ATR: variants seen among roughly 807,000 people sequenced by gnomAD.
ATR encodes ATR checkpoint kinase, also known as serine/threonine-protein kinase ATR.
A neutral mutation model predicts 305.3 loss-of-function variants in ATR; 142 were observed. The ratio of observed to expected loss-of-function variants is 0.47; its 90% confidence interval spans 0.41 to 0.53. The LOEUF (loss-of-function observed/expected upper bound fraction) is 0.53, where lower values mean the gene tolerates loss of function less well. Among genes scored for constraint, ATR ranks in the 20% least tolerant of loss-of-function variants. ATR has a pLI of 0.00. For missense variants in ATR, 2,135 were observed against 3,133.1 expected, an observed-to-expected ratio of 0.68 and a Z score of 7.60; for synonymous variants, 1,050 against 1,068.1, an observed-to-expected ratio of 0.98 and a Z score of 0.33.
intron 35 of ATR, among the ~76,000 whole-genome samples, chr3:142,490,266 G>A (rs1187669319): frequency 6.6e-6 from 1 of 152,138 alleles, no homozygotes; most frequent in Non-Finnish European, 1.5e-5. Flanking sequence ...ATATTGCCCA[G>A]GCTGGTTTTG....
chr3:142,450,303 C>A, intron 46 of ATR: 2 of 950,436 alleles, frequency 2.1e-6, no homozygotes, highest in Non-Finnish European at 1.7e-6. Context: ...CCGCTTATTT[C>A]TTTGGTGAAG....
chr3:142,461,525 C>G (rs1343170663), intron 42 of ATR, among the ~76,000 whole-genome samples: 1 of 152,080 alleles, frequency 6.6e-6, no homozygotes, highest in Non-Finnish European at 1.5e-5. Flanking sequence ...GCCTCTTATT[C>G]CAATCTAAAA....
chr3:142,529,203 A>T (rs1170987914), intron 21 of ATR, among the ~76,000 whole-genome samples: 1 of 151,922 alleles, frequency 6.6e-6, no homozygotes, highest in Non-Finnish European at 1.5e-5. Flanking sequence ...AATACCTTTA[A>T]TATTAATTAA....
intron 21 of ATR, among the ~76,000 whole-genome samples, chr3:142,528,987 G>A (rs1275689169): frequency 3.4e-5 from 5 of 145,830 alleles, no homozygotes; most frequent in African/African-American, 1.3e-4. Flanking sequence ...GGGTTCAAGC[G>A]ATTCTCCTGC....
chr3:142,574,385 C>T (rs1310495979), intron 1 of ATR, among the ~76,000 whole-genome samples: 2 of 150,988 alleles, frequency 1.3e-5, no homozygotes, highest in Non-Finnish European at 2.9e-5. Context: ...TCGCTTGACC[C>T]CAGGAGGCAG....
chr3:142,470,483 A>T (rs1050816356), intron 36 of ATR, among the ~76,000 whole-genome samples: 1 of 151,966 alleles, frequency 6.6e-6, no homozygotes, highest in African/African-American at 2.4e-5. Context: ...TTTCCTTAGG[A>T]TCTCTGTGCC....
At chr3:142,534,671 A>T (rs1240981377) in intron 21 of ATR, among the ~76,000 whole-genome samples, 1 of 152,178 alleles carries the variant, frequency 6.6e-6, no homozygotes, top group Non-Finnish European at 1.5e-5. Flanking sequence ...GAAAAAGTAA[A>T]CTTAAAGATT....
chr3:142,568,208 A>C, intron 1 of ATR, 54 bp from the exon 2 acceptor site: 2 of 1,402,962 alleles, frequency 1.4e-6, no homozygotes. Context: ...TTTCATTTGC[A>C]AAAAAAATTT....
Position 142,559,418 on chromosome 3 carries a change from T to C in ATR, c.1565A>G (p.His522Arg), listed in dbSNP as rs778745928. 1 of 1,613,902 alleles carries C rather than the reference T, an allele frequency of 6.2e-7. No individual in the cohort carries two copies. Residue 522 changes from histidine to arginine, a missense_variant, in exon 7 of 47, where the codon CAT becomes CGT. Coordinates refer to ENST00000350721, the MANE Select transcript of ATR (RefSeq NM_001184.4). ...TACAGAAGGTTTCTTCTTGGATTTATGTTGACAGTCCTTGAAAGTACGGCT... is the reference window on the plus strand; with the variant it reads ...TACAGAAGGTTTCTTCTTGGATTTACGTTGACAGTCCTTGAAAGTACGGCT... ...MNCRTFKDCQ[H>R]KSKKKPSVVI...
Position 142,462,095 on chromosome 3 carries a change from T to TA in ATR, c.7042-6dup. On this transcript the variant is annotated splice_region_variant and splice_polypyrimidine_tract_variant and intron_variant, in intron 41 of 46. Coordinates refer to ENST00000350721, the MANE Select transcript of ATR (RefSeq NM_001184.4). ...CTCTGCATCTTTTCTTAAGCACTGT[T>TA]AAAAAATACACATAAATTTAAAAAC... 1 of 1,609,152 alleles carries TA rather than the reference T, an allele frequency of 6.2e-7. No homozygotes were observed. The highest frequency in any genetic ancestry group is 8.5e-7 in the Non-Finnish European group (1 of 1,177,360).
chr3:142,517,709 A>G (rs558237552), intron 24 of ATR, among the ~76,000 whole-genome samples: 1 of 152,326 alleles, frequency 6.6e-6, no homozygotes, highest in Non-Finnish European at 1.5e-5. Flanking sequence ...GTTAAGATCT[A>G]CTTTTAAAAG....
intron 44 of ATR, 114 bp downstream of exon 44, chr3:142,458,844 A>C: frequency 1.6e-6 from 2 of 1,240,240 alleles, no homozygotes; most frequent in Non-Finnish European, 2.3e-6. Flanking sequence ...AATTCTCAGT[A>C]TAACTCAACT....
intron 44 of ATR, among the ~76,000 whole-genome samples, chr3:142,458,600 T>C (rs1347698520): frequency 2.6e-5 from 4 of 152,186 alleles, no homozygotes; most frequent in Admixed American, 6.5e-5. Flanking sequence ...ATAATTCTGA[T>C]ATGTTGCTAG....
chr3:142,474,330 T>C (rs1577523389), intron 36 of ATR, among the ~76,000 whole-genome samples: 2 of 152,212 alleles, frequency 1.3e-5, no homozygotes, highest in African/African-American at 2.4e-5. Context: ...TTGGGCACTA[T>C]GAACATTTTA....
intron 45 of ATR, among the ~76,000 whole-genome samples, chr3:142,454,602 C>T (rs1464421787): frequency 2.0e-5 from 3 of 151,582 alleles, no homozygotes; most frequent in East Asian, 1.9e-4. Context: ...CCACCTCGCC[C>T]GGCTAATTTT....
At chr3:142,571,852 C>T (rs1004272254) in intron 1 of ATR, among the ~76,000 whole-genome samples, 11 of 152,036 alleles carry the variant, frequency 7.2e-5, no homozygotes, top group African/African-American at 1.4e-4. Flanking sequence ...CTGCAACCTC[C>T]GCCACCCGGG....
rs1164077204 is a variant in ATR at position 142,469,402 on chromosome 3, T to C, written c.6487A>G (p.Ile2163Val). ...HDEVFVVLME[I>V]IAKVFLAYPQ... Reference sequence around the variant, plus strand: ...TAGGCTAGAAATACTTTGGCTATTATTTCCATCAAGACAACAAAAACTTCA... The same window carrying C: ...TAGGCTAGAAATACTTTGGCTATTACTTCCATCAAGACAACAAAAACTTCA... The change falls in exon 38 of 47, where the codon ATA becomes GTA. Residue 2163 changes from isoleucine (I) to valine (V), a missense_variant. Ile to Val is a conservative substitution (Grantham distance 29). Around this residue, in one of 9 missense-constraint regions of ATR, gnomAD observed 462 missense variants for 887.6 expected, o/e 0.52. Transcript: ENST00000350721. 4 of 1,613,898 alleles carry C rather than the reference T, an allele frequency of 2.5e-6. No individual in the cohort carries two copies. The African/African-American group carries it at 4.0e-5, about 16-fold the overall frequency.
At chr3:142,572,383 T>TC (rs2035300709) in intron 1 of ATR, among the ~76,000 whole-genome samples, 1 of 147,172 alleles carries the variant, frequency 6.8e-6, no homozygotes, top group Non-Finnish European at 1.5e-5. Flanking sequence ...TTTTTTTTTT[T>TC]TTTTTTTTTT....
At chr3:142,471,348 C>T (rs537157991) in intron 36 of ATR, among the ~76,000 whole-genome samples, 3 of 152,280 alleles carry the variant, frequency 2.0e-5, no homozygotes, top group Non-Finnish European at 4.4e-5. Flanking sequence ...ATCAATTAAT[C>T]TCCCAATGAA....
Sources: allele counts gnomAD v4.1 joint callset (sites outside exome capture counted in the v4.1 genomes callset), GRCh38; gene constraint gnomAD v4.1.1; regional missense constraint gnomAD v4.1.1; transcripts MANE v1.5; gene names NCBI Gene and HGNC (gene_info 2026-07-23, HGNC 2026-07-21).